NXPH1: variants seen among roughly 807,000 people sequenced by gnomAD.
NXPH1 encodes the protein neurexophilin 1.
NXPH1 carries 5 observed loss-of-function variants against 23.7 expected under a neutral mutation model. The observed-to-expected ratio is 0.21, with a 90% CI of 0.11 to 0.44. The LOEUF is 0.44. Ranked by LOEUF, NXPH1 falls within the 20% of genes least tolerant of loss-of-function variation. NXPH1 has a pLI of 0.99. For synonymous variants in NXPH1, 144 were observed against 122.2 expected, an observed-to-expected ratio of 1.18 and a Z score of -1.18; for missense variants, 324 against 321.6, an observed-to-expected ratio of 1.01 and a Z score of -0.06.
At chr7:8,551,830 C>T (rs1198145633) in intron 2 of NXPH1, among the ~76,000 whole-genome samples, 2 of 151,370 alleles carry the variant, frequency 1.3e-5, no homozygotes, top group South Asian at 2.1e-4. Flanking sequence ...TATTTTTTCT[C>T]CATGTCCAAC....
At chr7:8,492,538 G>A (rs989549214) in intron 2 of NXPH1, among the ~76,000 whole-genome samples, 31 of 151,828 alleles carry the variant, frequency 2.0e-4, no homozygotes, top group African/African-American at 7.5e-4. Flanking sequence ...ACAGGTTTTG[G>A]GGGACACAAT....
At chr7:8,739,666 T>C (rs1253798051) in intron 2 of NXPH1, among the ~76,000 whole-genome samples, 1 of 152,178 alleles carries the variant, frequency 6.6e-6, no homozygotes, top group Non-Finnish European at 1.5e-5. Flanking sequence ...ACCTTTTTTC[T>C]TTATAAACTT....
intron 2 of NXPH1, among the ~76,000 whole-genome samples, chr7:8,517,535 G>T (rs562276037): frequency 6.6e-6 from 1 of 152,146 alleles, no homozygotes; most frequent in Non-Finnish European, 1.5e-5. Context: ...TTGCACATCA[G>T]TGTTTGGTTA....
Position 8,728,146 on chromosome 7 carries a change from T to G in NXPH1, c.55-22862T>G, listed in dbSNP as rs1288018253. 2.7e-5 allele frequency among the ~76,000 whole-genome samples: 4 copies of G among 150,066 alleles called. No individual in the cohort carries two copies. The Middle Eastern group carries it at 0.014, about 510-fold the overall frequency. On this transcript the variant is annotated intron_variant, in intron 2 of 2. Transcript: ENST00000405863. ...ATGATTTGGCTCTCTGTTTGTCTGTTGTTGGTGTATAAGAATGCTTGTGAT... is the reference window on the plus strand; with the variant it reads ...ATGATTTGGCTCTCTGTTTGTCTGTGGTTGGTGTATAAGAATGCTTGTGAT...
At chr7:8,452,193 G>C (rs1198897977) in intron 2 of NXPH1, among the ~76,000 whole-genome samples, 1 of 152,160 alleles carries the variant, frequency 6.6e-6, no homozygotes, top group Non-Finnish European at 1.5e-5. Flanking sequence ...ATACGTTTTT[G>C]ATATACCCTT....
At chr7:8,522,230 G>T (rs1414052192) in intron 2 of NXPH1, among the ~76,000 whole-genome samples, 2 of 152,254 alleles carry the variant, frequency 1.3e-5, no homozygotes, top group East Asian at 1.9e-4. Context: ...GCAATAGGAG[G>T]CCGTTCTTGT....
At chr7:8,488,049 G>A (rs960849199) in intron 2 of NXPH1, among the ~76,000 whole-genome samples, 1 of 152,134 alleles carries the variant, frequency 6.6e-6, no homozygotes, top group Non-Finnish European at 1.5e-5. Context: ...CAGATTATAA[G>A]CCAGTTTAGG....
chr7:8,472,819 A>G lies in NXPH1; in HGVS notation c.54+37052A>G, dbSNP rs190020710. ...TCTAATGAAGGCAGAAGCCTCAAAC[A>G]GAAAGATCTAGACTAAACAAGGGGA... On this transcript the variant is annotated intron_variant, in intron 2 of 2. Coordinates refer to ENST00000405863, the MANE Select transcript of NXPH1 (RefSeq NM_152745.3). Among the ~76,000 whole-genome samples the G allele has an allele frequency of 1.6e-3, 239 of 152,310 alleles. 2 individuals are homozygous for G. The highest frequency in any genetic ancestry group is 5.4e-3 in the African/African-American group (225 of 41,588).
chr7:8,746,863 G>T (rs1473074236), intron 2 of NXPH1, among the ~76,000 whole-genome samples: 1 of 112,542 alleles, frequency 8.9e-6, no homozygotes, highest in Admixed American at 9.7e-5. Flanking sequence ...CCCACAGCAT[G>T]CTTTTTTTTT....
chr7:8,533,129 T>C (rs1018347877), intron 2 of NXPH1, among the ~76,000 whole-genome samples: 2 of 152,170 alleles, frequency 1.3e-5, no homozygotes, highest in African/African-American at 2.4e-5. Flanking sequence ...TCACACAGCA[T>C]TGAGGTGATA....
chr7:8,623,645 T>C (rs1299839349), intron 2 of NXPH1, among the ~76,000 whole-genome samples: 1 of 152,160 alleles, frequency 6.6e-6, no homozygotes, highest in African/African-American at 2.4e-5. Context: ...TTTTTAGTTT[T>C]GATAATAATT....
intron 2 of NXPH1, among the ~76,000 whole-genome samples, chr7:8,537,412 G>T (rs1009444258): frequency 6.6e-6 from 1 of 151,964 alleles, no homozygotes; most frequent in African/African-American, 2.4e-5. Context: ...ACTTACGATC[G>T]TAGCAGAAGG....
At chr7:8,675,779 A>C (rs1583225707) in intron 2 of NXPH1, among the ~76,000 whole-genome samples, 1 of 152,186 alleles carries the variant, frequency 6.6e-6, no homozygotes, top group East Asian at 1.9e-4. Context: ...ACACATGGAA[A>C]GATATGGAGG....
intron 2 of NXPH1, among the ~76,000 whole-genome samples, chr7:8,679,355 T>C (rs151315171): frequency 6.6e-6 from 1 of 152,320 alleles, no homozygotes; most frequent in East Asian, 1.9e-4. Flanking sequence ...TAGACAAATA[T>C]AATTTCAAGG....
Position 8,438,550 on chromosome 7 carries a change from A to G in NXPH1, c.54+2783A>G, listed in dbSNP as rs1816238473. On this transcript the variant is annotated intron_variant, in intron 2 of 2. Coordinates refer to ENST00000405863, the MANE Select transcript of NXPH1 (RefSeq NM_152745.3). ...TTAGCTGATATCTCAGTGCACCTTGACCTTTAAGCCCATGGTATCCTAGTT... is the reference window on the plus strand; with the variant it reads ...TTAGCTGATATCTCAGTGCACCTTGGCCTTTAAGCCCATGGTATCCTAGTT... Among the ~76,000 whole-genome samples the G allele has an allele frequency of 2.6e-5, 4 of 152,170 alleles. No individual in the cohort carries two copies. In the South Asian group the frequency reaches 8.3e-4, roughly 32 times the overall value.
At chr7:8,726,218 A>G (rs1414376926) in intron 2 of NXPH1, among the ~76,000 whole-genome samples, 5 of 151,514 alleles carry the variant, frequency 3.3e-5, no homozygotes, top group African/African-American at 7.3e-5. Flanking sequence ...AATGTCTTAC[A>G]TATACTATTC....
At chr7:8,576,821 A>T (rs185101867) in intron 2 of NXPH1, among the ~76,000 whole-genome samples, 1 of 152,242 alleles carries the variant, frequency 6.6e-6, no homozygotes, top group African/African-American at 2.4e-5. Context: ...TCTTGAGTTC[A>T]TTAGATTATA....
Position 8,506,337 on chromosome 7 carries a change from G to A in NXPH1, c.54+70570G>A, listed in dbSNP as rs1044454034. Among the ~76,000 whole-genome samples the A allele has an allele frequency of 3.3e-5, 5 of 152,194 alleles. No individual in the cohort carries two copies. The East Asian group carries it at 9.7e-4, about 30-fold the overall frequency. On this transcript the variant is annotated intron_variant, in intron 2 of 2. Transcript: ENST00000405863. ...TCATCCAGTGTCCTGAGACCTAGGAGCAAGGGACATGGGTCTTTCCATGTC... is the reference window on the plus strand; with the variant it reads ...TCATCCAGTGTCCTGAGACCTAGGAACAAGGGACATGGGTCTTTCCATGTC...
chr7:8,548,677 T>G (rs1439413139), intron 2 of NXPH1, among the ~76,000 whole-genome samples: 2 of 151,640 alleles, frequency 1.3e-5, no homozygotes, highest in East Asian at 3.9e-4. Context: ...GGAGTTGGCA[T>G]TCCTGAGTTC....
Sources: allele counts gnomAD v4.1 joint callset (sites outside exome capture counted in the v4.1 genomes callset), GRCh38; gene constraint gnomAD v4.1.1; transcripts MANE v1.5; gene names NCBI Gene and HGNC (gene_info 2026-07-23, HGNC 2026-07-21).